SEMA5A: variants seen among roughly 807,000 people sequenced by gnomAD.
SEMA5A encodes semaphorin 5A.
SEMA5A carries 55 observed loss-of-function variants against 135.5 expected under a neutral mutation model. That is an observed-to-expected ratio of 0.41 (90% CI 0.33 to 0.51). The LOEUF (loss-of-function observed/expected upper bound fraction) is 0.51. SEMA5A is among the 20% of genes least tolerant of loss of function. The probability of loss-of-function intolerance (pLI) is 0.37; values close to 1 mark genes in which losing one functional copy is unlikely to be tolerated. For synonymous variants in SEMA5A, 580 were observed against 546.5 expected, an observed-to-expected ratio of 1.06 and a Z score of -0.85; for missense variants, 1,290 against 1,419.9, an observed-to-expected ratio of 0.91 and a Z score of 1.47.
At chr5:9,374,506 G>T (rs1251174226) in intron 3 of SEMA5A, among the ~76,000 whole-genome samples, 1 of 151,966 alleles carries the variant, frequency 6.6e-6, no homozygotes, top group African/African-American at 2.4e-5. Flanking sequence ...CTTTCTCAAA[G>T]TTTCTTGGAA....
intron 1 of SEMA5A, among the ~76,000 whole-genome samples, chr5:9,513,522 G>A (rs1736334650): frequency 6.6e-6 from 1 of 152,148 alleles, no homozygotes; most frequent in Non-Finnish European, 1.5e-5. Flanking sequence ...GGAAAAGAGA[G>A]GAAAGGTTGG....
intron 5 of SEMA5A, among the ~76,000 whole-genome samples, chr5:9,277,807 AG>A (rs928666202): frequency 1.3e-5 from 2 of 151,580 alleles, no homozygotes; most frequent in African/African-American, 4.8e-5. Context: ...ACGCACTGTC[AG>A]GGGGGTGCGG....
At chr5:9,200,011 C>G (rs546061747) in intron 9 of SEMA5A, among the ~76,000 whole-genome samples, 13 of 152,278 alleles carry the variant, frequency 8.5e-5, no homozygotes, top group Non-Finnish European at 1.8e-4. Flanking sequence ...CAGTATCGGA[C>G]AGCTTTCTGA....
At chr5:9,285,985 T>G (rs1011455843) in intron 5 of SEMA5A, among the ~76,000 whole-genome samples, 2 of 152,258 alleles carry the variant, frequency 1.3e-5, no homozygotes, top group Admixed American at 1.3e-4. Flanking sequence ...ATATTGTATA[T>G]GCTTGTATCA....
At chr5:9,454,684 C>A (rs888133805) in intron 1 of SEMA5A, among the ~76,000 whole-genome samples, 1 of 152,198 alleles carries the variant, frequency 6.6e-6, no homozygotes, top group Non-Finnish European at 1.5e-5. Context: ...AAAGCCCTCA[C>A]TTTATTGCTT....
chr5:9,197,252 C>T lies in SEMA5A; in HGVS notation c.984G>A (p.Ala328=), dbSNP rs1806117. 49 of 1,614,042 alleles carry T rather than the reference C, an allele frequency of 3.0e-5. No homozygotes were observed. Among genetic ancestry groups the T allele is most frequent in the Admixed American group, 2.2e-4 (13 of 60,008 alleles). The change falls in exon 10 of 23, where the codon GCG becomes GCA. Residue 328 remains alanine, a synonymous_variant. Coordinates refer to ENST00000382496, the MANE Select transcript of SEMA5A (RefSeq NM_003966.3). ...AVCVFNLSAI[A]QAFSGPFKYQ... ...ACTTGAAGGGCCCAGAGAAGGCCTG[C>T]GCGATGGCGCTCAGGTTGAAGACGC...
intron 6 of SEMA5A, among the ~76,000 whole-genome samples, chr5:9,230,865 G>A (rs933013444): frequency 1.3e-5 from 2 of 152,230 alleles, no homozygotes; most frequent in African/African-American, 4.8e-5. Flanking sequence ...GAGTGGAGGT[G>A]GGTGGTATTC....
intron 5 of SEMA5A, among the ~76,000 whole-genome samples, chr5:9,267,326 T>C (rs1018476317): frequency 7.2e-5 from 11 of 152,160 alleles, no homozygotes; most frequent in African/African-American, 2.7e-4. Context: ...TATCAAGCTG[T>C]TGCCCGATCC....
At chr5:9,069,398 CT>C (rs1183131632) in intron 16 of SEMA5A, among the ~76,000 whole-genome samples, 1 of 152,152 alleles carries the variant, frequency 6.6e-6, no homozygotes, top group Admixed American at 6.6e-5. Context: ...GGTTCTTTCT[CT>C]TTTTTTCTGA....
chr5:9,491,166 T>C lies in SEMA5A; in HGVS notation c.-174-53314A>G, dbSNP rs542353395. Among the ~76,000 whole-genome samples, 118 of 152,162 alleles carry C rather than the reference T, an allele frequency of 7.8e-4. 1 individual carries two copies. The highest frequency in any genetic ancestry group is 1.5e-3 in the Non-Finnish European group (99 of 68,000). On this transcript the variant is annotated intron_variant, in intron 1 of 22. Coordinates refer to ENST00000382496, the MANE Select transcript of SEMA5A (RefSeq NM_003966.3). ...TTTTGGACAGAAACGGTCATACTTA[T>C]ATGACACACACCCATTTGCCTCAGT...
At chr5:9,143,051 T>C (rs1237524569) in intron 12 of SEMA5A, among the ~76,000 whole-genome samples, 1 of 152,232 alleles carries the variant, frequency 6.6e-6, no homozygotes, top group Non-Finnish European at 1.5e-5. Flanking sequence ...GATCCTTCAA[T>C]TGGTAAATCC....
chr5:9,291,839 C>T (rs1751098532), intron 5 of SEMA5A, among the ~76,000 whole-genome samples: 1 of 145,732 alleles, frequency 6.9e-6, no homozygotes, highest in Non-Finnish European at 1.5e-5. Flanking sequence ...CAAAATAAAA[C>T]GGTTGTTTTA....
chr5:9,138,187 C>T lies in SEMA5A; in HGVS notation c.1482-1566G>A, dbSNP rs570241360. On this transcript the variant is annotated intron_variant, in intron 12 of 22. Coordinates refer to ENST00000382496, the MANE Select transcript of SEMA5A (RefSeq NM_003966.3). ...CTCATTAAAACTCCTTGATATGCGA[C>T]CATATGCAGACATGACTTCCATTCA... 2.0e-5 allele frequency among the ~76,000 whole-genome samples: 3 copies of T among 152,230 alleles called. No individual in the cohort carries two copies. In the South Asian group the frequency reaches 6.2e-4, roughly 32 times the overall value.
At chr5:9,100,766 G>C (rs1274953560) in intron 16 of SEMA5A, among the ~76,000 whole-genome samples, 1 of 152,032 alleles carries the variant, frequency 6.6e-6, no homozygotes, top group Non-Finnish European at 1.5e-5. Context: ...TAATGGTTGG[G>C]ATCCTACATG....
chr5:9,329,301 T>C (rs1405626607), intron 4 of SEMA5A, among the ~76,000 whole-genome samples: 1 of 152,176 alleles, frequency 6.6e-6, no homozygotes, highest in Non-Finnish European at 1.5e-5. Context: ...GCTTTTGTGG[T>C]CTATGTGCCA....
chr5:9,314,059 T>C (rs1752283023), intron 5 of SEMA5A, among the ~76,000 whole-genome samples: 1 of 152,218 alleles, frequency 6.6e-6, no homozygotes, highest in African/African-American at 2.4e-5. Context: ...TCCAGTTTTC[T>C]TGAAATTGGT....
intron 1 of SEMA5A, among the ~76,000 whole-genome samples, chr5:9,504,068 A>T (rs1054797461): frequency 1.3e-5 from 2 of 151,850 alleles, no homozygotes; most frequent in African/African-American, 4.8e-5. Context: ...TACAAAAATT[A>T]GCCAGGCATG....
At chr5:9,515,199 A>T (rs1736439398) in intron 1 of SEMA5A, among the ~76,000 whole-genome samples, 1 of 152,184 alleles carries the variant, frequency 6.6e-6, no homozygotes, top group Admixed American at 6.5e-5. Context: ...CGGAGCTGTG[A>T]CTGATGGCCA....
At chr5:9,510,472 T>C (rs893838402) in intron 1 of SEMA5A, among the ~76,000 whole-genome samples, 3 of 152,226 alleles carry the variant, frequency 2.0e-5, no homozygotes, top group African/African-American at 4.8e-5. Context: ...TTTTGGAAAC[T>C]TGATTTTTCA....
Sources: allele counts gnomAD v4.1 joint callset (sites outside exome capture counted in the v4.1 genomes callset), GRCh38; gene constraint gnomAD v4.1.1; transcripts MANE v1.5; gene names NCBI Gene and HGNC (gene_info 2026-07-23, HGNC 2026-07-21).